The following LIMD1 variants were observed in gnomAD, a reference collection of about 807,000 sequenced individuals.
LIMD1 encodes the protein LIM domain-containing protein 1.
A neutral mutation model predicts 58.4 loss-of-function variants in LIMD1; 23 were observed. The observed-to-expected ratio is 0.39, with a 90% CI of 0.28 to 0.56. The LOEUF is 0.56. LIMD1 is among the 20% of genes least tolerant of loss of function. The pLI, the probability that LIMD1 is intolerant of heterozygous loss-of-function variation, is 0.57. For synonymous variants in LIMD1, 334 were observed against 345.5 expected (o/e 0.97, Z 0.37); for missense variants, 838 against 855.5 (o/e 0.98, Z 0.25).
At chr3:45,613,287 A>T (rs1277294731) in intron 1 of LIMD1, among the ~76,000 whole-genome samples, 1 of 152,216 alleles carries the variant, frequency 6.6e-6, no homozygotes, top group Non-Finnish European at 1.5e-5. Flanking sequence ...TCATATATTC[A>T]TCAGTTGATG....
chr3:45,623,258 G>A (rs1051139325), intron 1 of LIMD1, among the ~76,000 whole-genome samples: 13 of 152,100 alleles, frequency 8.5e-5, no homozygotes, highest in African/African-American at 3.1e-4. Flanking sequence ...TAAGACCCTC[G>A]TGAGGAAAAA....
intron 4 of LIMD1, among the ~76,000 whole-genome samples, chr3:45,668,809 A>G (rs1697553135): frequency 6.6e-6 from 1 of 151,658 alleles, no homozygotes; most frequent in African/African-American, 2.4e-5. Context: ...TAGAACCCAC[A>G]TTGTTGGCTT....
chr3:45,622,049 G>A lies in LIMD1; in HGVS notation c.1409-14101G>A, dbSNP rs991661052. Among the ~76,000 whole-genome samples the A allele has an allele frequency of 1.2e-3, 175 of 147,560 alleles. 1 individual carries two copies. Among genetic ancestry groups the A allele is most frequent in the African/African-American group, 4.2e-3 (167 of 40,122 alleles). On this transcript the variant is annotated intron_variant, in intron 1 of 7. Coordinates refer to ENST00000273317, the MANE Select transcript of LIMD1 (RefSeq NM_014240.3). Reference sequence around the variant, plus strand: ...CTGTACTCCAGTCTGGCGACAGAGCGAGACTCCATCTCAAAAAAAAAAAAA... The same window carrying A: ...CTGTACTCCAGTCTGGCGACAGAGCAAGACTCCATCTCAAAAAAAAAAAAA...
chr3:45,604,762 G>C (rs190577873), intron 1 of LIMD1, among the ~76,000 whole-genome samples: 1 of 152,110 alleles, frequency 6.6e-6, no homozygotes, highest in African/African-American at 2.4e-5. Context: ...TAGCCCTGGC[G>C]CGTCCCGACA....
In LIMD1 at chr3:45,595,052, A is replaced by G; in HGVS notation, c.173A>G (p.Gln58Arg). The change falls in exon 1 of 8, where the codon CAG becomes CGG. Residue 58 changes from glutamine (Q) to arginine (R), a missense_variant. Transcript: ENST00000273317. The part of the protein sequence containing the change: ...FATKMAKIHL[Q>R]QQQQQLLQEE... ...ACCAAGATGGCCAAAATCCACCTCC[A>G]GCAGCAGCAGCAGCAGCTCCTGCAG... The G allele has an allele frequency of 5.0e-6, 8 of 1,597,136 alleles. No individual in the cohort carries two copies. Among genetic ancestry groups the G allele is most frequent in the Non-Finnish European group, 6.8e-6 (8 of 1,169,570 alleles).
chr3:45,651,424 A>G (rs935791895), intron 2 of LIMD1, among the ~76,000 whole-genome samples: 1 of 152,132 alleles, frequency 6.6e-6, no homozygotes, highest in Non-Finnish European at 1.5e-5. Flanking sequence ...TGTGTCCTGA[A>G]TGGTACTGCC....
chr3:45,596,099 G>A lies in LIMD1; in HGVS notation c.1220G>A (p.Gly407Asp), dbSNP rs1362760020. The A allele has an allele frequency of 4.3e-6, 7 of 1,614,204 alleles. No individual in the cohort carries two copies. The East Asian group carries it at 1.3e-4, about 31-fold the overall frequency. The change falls in exon 1 of 8, where the codon GGC becomes GAC. Residue 407 changes from glycine to aspartate, a missense_variant. Around this residue, in one of 3 missense-constraint regions of LIMD1, gnomAD observed 659 missense variants for 639.8 expected, o/e 1.03. Coordinates refer to ENST00000273317, the MANE Select transcript of LIMD1 (RefSeq NM_014240.3). ...TTATCTTGTAAAGAGGGTCCCCTGG[G>A]CTGGTCTTCTGATGGTAGCCTGGGA... ...PELSCKEGPLGWSSDGSLGSV... is the reference protein window; with the variant it reads ...PELSCKEGPLDWSSDGSLGSV...
chr3:45,610,686 T>C (rs1701514973), intron 1 of LIMD1, among the ~76,000 whole-genome samples: 1 of 152,190 alleles, frequency 6.6e-6, no homozygotes, highest in Admixed American at 6.5e-5. Context: ...TCAGCAGCCC[T>C]GTACCTCAGT....
chr3:45,607,915 G>A (rs565008049), intron 1 of LIMD1, among the ~76,000 whole-genome samples: 5 of 152,296 alleles, frequency 3.3e-5, no homozygotes, highest in South Asian at 2.1e-4. Flanking sequence ...ACGTTTGCTC[G>A]CGTGATGGTT....
intron 1 of LIMD1, among the ~76,000 whole-genome samples, chr3:45,633,010 C>T (rs1434249720): frequency 6.6e-6 from 1 of 152,106 alleles, no homozygotes; most frequent in African/African-American, 2.4e-5. Flanking sequence ...GCAGTTTGCC[C>T]GGAACTGTAT....
intron 2 of LIMD1, among the ~76,000 whole-genome samples, chr3:45,663,482 A>G (rs375693851): frequency 2.6e-5 from 4 of 152,176 alleles, no homozygotes. Context: ...ATTTTTGCCA[A>G]TCTATGAAAG....
rs1180444161 is a variant in LIMD1, at chr3:45,665,652, C to T, written c.1513C>T (p.Arg505Trp). Residue 505 changes from arginine to tryptophan, a missense_variant and splice_region_variant, in exon 3 of 8, where the codon CGG becomes TGG. By Grantham distance (101) the Arg-to-Trp change is moderately radical. Transcript: ENST00000273317. ...TGTGTTTGTGATTTTTTCCTTAGGC[C>T]GGAAGCTGAGAGGAAAAGCCTTTTA... is the stretch of plus-strand genomic sequence containing the variant. ...DTCFTCAACS[R>W]KLRGKAFYFV... The T allele has an allele frequency of 5.6e-6, 9 of 1,613,524 alleles. No individual in the cohort carries two copies. Among genetic ancestry groups the T allele is most frequent in the African/African-American group, 1.3e-5 (1 of 74,862 alleles).
At chr3:45,606,914 T>C (rs978896410) in intron 1 of LIMD1, among the ~76,000 whole-genome samples, 1 of 152,198 alleles carries the variant, frequency 6.6e-6, no homozygotes, top group Non-Finnish European at 1.5e-5. Context: ...GTGCCTCAGC[T>C]TCCCAAGTAC....
intron 1 of LIMD1, among the ~76,000 whole-genome samples, chr3:45,615,948 A>C (rs1236480684): frequency 6.6e-6 from 1 of 152,146 alleles, no homozygotes. Context: ...TTAGTTTGAT[A>C]TAATACTATG....
Position 45,684,971 on chromosome 3 carries a change from C to A in LIMD1, c.*7912C>A, listed in dbSNP as rs950794863. On this transcript the variant is annotated 3_prime_UTR_variant, in exon 8 of 8. Transcript: ENST00000273317. Reference sequence around the variant, plus strand: ...TAAAAGAAAAGCCTTACCAAGGACTCCTGTACCCTATCTGCCTAAATTTTT... The same window carrying A: ...TAAAAGAAAAGCCTTACCAAGGACTACTGTACCCTATCTGCCTAAATTTTT... 2 of 152,156 alleles carry A rather than the reference C, an allele frequency of 1.3e-5. No individual in the cohort carries two copies. The highest frequency in any genetic ancestry group is 2.9e-5 in the Non-Finnish European group (2 of 68,028). The allele number at this position is 152,156 out of a possible 1,614,324, so 9.4% of individuals were successfully genotyped here.
intron 1 of LIMD1, among the ~76,000 whole-genome samples, chr3:45,606,372 G>A (rs1413319409): frequency 6.6e-6 from 1 of 152,220 alleles, no homozygotes; most frequent in Non-Finnish European, 1.5e-5. Context: ...GGTAGGTCAA[G>A]GCTGAGGTCT....
At chr3:45,667,813 T>G (rs555097757) in intron 3 of LIMD1, among the ~76,000 whole-genome samples, 1 of 152,104 alleles carries the variant, frequency 6.6e-6, no homozygotes, top group Non-Finnish European at 1.5e-5. Context: ...GGTAATAATG[T>G]AGACCTTGCA....
At chr3:45,600,704 C>T (rs1701403675) in intron 1 of LIMD1, among the ~76,000 whole-genome samples, 3 of 152,166 alleles carry the variant, frequency 2.0e-5, no homozygotes, top group Admixed American at 2.0e-4. Context: ...GTTAGTTGTG[C>T]CCCACCGTCT....
chr3:45,627,065 A>G (rs1269257332), intron 1 of LIMD1, among the ~76,000 whole-genome samples: 1 of 152,024 alleles, frequency 6.6e-6, no homozygotes, highest in Non-Finnish European at 1.5e-5. Flanking sequence ...CCCGAAGGAG[A>G]GGCCCTGGGC....
Sources: gnomAD v4.1 joint callset for allele counts (sites outside exome capture counted in the v4.1 genomes callset) on GRCh38, gnomAD v4.1.1 for gene constraint, gnomAD v4.1.1 regional missense constraint, MANE v1.5 for transcripts, NCBI Gene and HGNC (gene_info 2026-07-23, HGNC 2026-07-21) for gene names.